The following RPS6KA2 variants were observed in gnomAD, a reference collection of about 807,000 sequenced individuals.
The protein encoded by RPS6KA2 is ribosomal protein S6 kinase A2, also known as ribosomal protein S6 kinase alpha-2.
Under a neutral mutation model 91.8 loss-of-function variants are expected in RPS6KA2, and 42 were observed. The observed-to-expected ratio is 0.46, with a 90% CI of 0.36 to 0.59. The LOEUF is 0.59. RPS6KA2 is among the 20% of genes least tolerant of loss of function. The pLI is 0.00. For missense variants in RPS6KA2, 798 were observed against 978.5 expected (o/e 0.82, Z 2.46); for synonymous variants, 414 against 393.6 (o/e 1.05, Z -0.61).
chr6:166,686,033 T>C (rs1358401353), intron 2 of RPS6KA2, among the ~76,000 whole-genome samples: 1 of 152,142 alleles, frequency 6.6e-6, no homozygotes, highest in African/African-American at 2.4e-5. Flanking sequence ...TTAGGGCTAA[T>C]GAGAACGAAT....
intron 2 of RPS6KA2, among the ~76,000 whole-genome samples, chr6:166,786,762 A>G (rs569719383): frequency 3.3e-5 from 5 of 152,222 alleles, no homozygotes; most frequent in Non-Finnish European, 7.4e-5. Context: ...AATTTTTAGT[A>G]ATTGTGTAAT....
At chr6:166,456,662 T>C (rs760029473) in intron 12 of RPS6KA2, among the ~76,000 whole-genome samples, 1 of 152,204 alleles carries the variant, frequency 6.6e-6, no homozygotes, top group Non-Finnish European at 1.5e-5. Flanking sequence ...AGCTTATCCA[T>C]TGCTTCAGAG....
At chr6:166,540,445 A>T (rs376899398) in intron 1 of RPS6KA2, among the ~76,000 whole-genome samples, 110 of 60,698 alleles carry the variant, frequency 1.8e-3, no homozygotes, top group African/African-American at 8.5e-3. Flanking sequence ...TTGTAAAAAC[A>T]GTGGTTTTTT....
chr6:166,538,798 G>T lies in RPS6KA2; in HGVS notation c.100-14C>A. 2 of 1,433,490 alleles carry T rather than the reference G, an allele frequency of 1.4e-6. No homozygotes were observed. Among genetic ancestry groups the T allele is most frequent in the Non-Finnish European group, 2.0e-6 (2 of 1,016,672 alleles). The allele number at this position is 1,433,490 out of a possible 1,614,324, so 88.8% of individuals were successfully genotyped here. ...GACGCCTTCTTCCTGCAAGAGAGCG[G>T]CACGGGTGAGAAACACACCGCGAGG... On this transcript the variant is annotated splice_polypyrimidine_tract_variant and intron_variant, in intron 1 of 20. Coordinates refer to ENST00000265678, the MANE Select transcript of RPS6KA2 (RefSeq NM_021135.6).
intron 1 of RPS6KA2, among the ~76,000 whole-genome samples, chr6:166,597,287 G>A (rs1020142955): frequency 2.0e-5 from 3 of 152,340 alleles, no homozygotes; most frequent in South Asian, 4.1e-4. Flanking sequence ...CACAGCCCCC[G>A]AGGACGAATG....
At chr6:166,414,342 A>G (rs748623175) in intron 19 of RPS6KA2, among the ~76,000 whole-genome samples, 16 of 152,340 alleles carry the variant, frequency 1.1e-4, no homozygotes, top group South Asian at 2.1e-4. Flanking sequence ...AGGACTACCC[A>G]TAAATATTTA....
At chr6:166,707,432 G>T (rs1789713264) in intron 2 of RPS6KA2, among the ~76,000 whole-genome samples, 1 of 152,248 alleles carries the variant, frequency 6.6e-6, no homozygotes, top group Non-Finnish European at 1.5e-5. Flanking sequence ...AAGGTAAATA[G>T]AAACAGTTTC....
chr6:166,417,354 T>C (rs917160334), intron 19 of RPS6KA2, among the ~76,000 whole-genome samples: 1 of 152,224 alleles, frequency 6.6e-6, no homozygotes, highest in African/African-American at 2.4e-5. Context: ...TTTTTCAGGA[T>C]GTGGTTAACA....
intron 1 of RPS6KA2, among the ~76,000 whole-genome samples, chr6:166,555,035 T>C (rs1246523481): frequency 6.6e-6 from 1 of 152,250 alleles, no homozygotes; most frequent in Non-Finnish European, 1.5e-5. Context: ...ATGATTTCTC[T>C]AGCAATTTGG....
At chr6:166,745,909 G>A (rs185611235) in intron 2 of RPS6KA2, among the ~76,000 whole-genome samples, 34 of 152,334 alleles carry the variant, frequency 2.2e-4, no homozygotes, top group Middle Eastern at 3.4e-3. Context: ...GAAAAGAGCT[G>A]TCAGGCCCAA....
intron 1 of RPS6KA2, among the ~76,000 whole-genome samples, chr6:166,564,527 T>C (rs375453872): frequency 1.3e-5 from 2 of 152,196 alleles, no homozygotes; most frequent in African/African-American, 4.8e-5. Flanking sequence ...TCATCTCCAA[T>C]GTTAAAGAGT....
intron 3 of RPS6KA2, among the ~76,000 whole-genome samples, chr6:166,530,941 C>T (rs1214883596): frequency 6.6e-6 from 1 of 152,282 alleles, no homozygotes; most frequent in Admixed American, 6.5e-5. Context: ...CAACAGCCTG[C>T]TCGCAGCCTG....
Position 166,423,130 on chromosome 6 carries a change from A to C in RPS6KA2, c.1743+126T>G. The C allele has an allele frequency of 1.1e-6, 1 of 934,538 alleles. No individual in the cohort carries two copies. Among genetic ancestry groups the C allele is most frequent in the Non-Finnish European group, 1.6e-6 (1 of 638,152 alleles). 57.9% of individuals were successfully genotyped at this position (934,538 alleles called of 1,614,324 possible). A position where few individuals can be genotyped will look rare whatever the true frequency, so the allele number is the denominator to read the frequency against. ...TGAAGGTTCTCGTTTCTGTTTCCCA[A>C]CACCACTGCTGACGCAGCTCAAGCC... On this transcript the variant is annotated intron_variant, in intron 17 of 20. Coordinates refer to ENST00000265678, the MANE Select transcript of RPS6KA2 (RefSeq NM_021135.6). This position sits in a 1 kb window ranked among gnomAD's most constrained non-coding sequence, Gnocchi z 4.8.
At chr6:166,502,734 C>T (rs894342445) in intron 6 of RPS6KA2, among the ~76,000 whole-genome samples, 5 of 152,164 alleles carry the variant, frequency 3.3e-5, no homozygotes, top group African/African-American at 7.2e-5. Flanking sequence ...TAAGGAGAGG[C>T]GAAAGGGGAC....
chr6:166,851,734 G>A lies in RPS6KA2; in HGVS notation c.123+6466C>T, dbSNP rs191910576. On this transcript the variant is annotated intron_variant, in intron 2 of 21. Transcript: ENST00000503859. ...AAAGCACTCTGGGAAATGTGCAAAG[G>A]CTGACTTTGTTACAGAAGCAGAAAA... Among the ~76,000 whole-genome samples the A allele has an allele frequency of 3.6e-3, 543 of 152,286 alleles. 5 individuals carry two copies. Among genetic ancestry groups the A allele is most frequent in the Middle Eastern group, 0.014 (4 of 294 alleles).
intron 2 of RPS6KA2, among the ~76,000 whole-genome samples, chr6:166,829,377 G>T (rs1438303591): frequency 4.6e-5 from 7 of 151,992 alleles, no homozygotes; most frequent in Non-Finnish European, 8.8e-5. Context: ...GGATCAGGAA[G>T]TCAGGAGATG....
chr6:166,425,922 G>A (rs1314000885), intron 16 of RPS6KA2, among the ~76,000 whole-genome samples: 1 of 152,042 alleles, frequency 6.6e-6, no homozygotes, highest in Non-Finnish European at 1.5e-5. Flanking sequence ...GGATACCCAG[G>A]AATTGAACTC....
Position 166,508,158 on chromosome 6 carries a change from C to G in RPS6KA2, c.459+45G>C, listed in dbSNP as rs1408870867. On this transcript the variant is annotated intron_variant, in intron 5 of 20. Coordinates refer to ENST00000265678, the MANE Select transcript of RPS6KA2 (RefSeq NM_021135.6). The surrounding 1 kb of genome is among the most constrained non-coding windows in gnomAD (Gnocchi z 4.3). ...ACCCCTCCTCCCCTCGAGTCCCAGA[C>G]AGAAGCTCCTGCCCGCCCTCCTGTG... 9 of 1,330,402 alleles carry G rather than the reference C, an allele frequency of 6.8e-6. No homozygotes were observed. Among genetic ancestry groups the G allele is most frequent in the Admixed American group, 5.2e-5 (3 of 57,794 alleles). The allele number at this position is 1,330,402 out of a possible 1,614,324, so 82.4% of individuals were successfully genotyped here.
Position 166,433,685 on chromosome 6 carries a change from A to G in RPS6KA2, c.1333-1195T>C, listed in dbSNP as rs952592272. On this transcript the variant is annotated intron_variant, in intron 14 of 20. Transcript: ENST00000265678. The surrounding 1 kb of genome is among the most constrained non-coding windows in gnomAD (Gnocchi z 4.4). ...ACCGTGCAGTCATTTTACTACTAGA[A>G]TATGAGGGTGACTTGCTTTTAACTT... Among the ~76,000 whole-genome samples, 1 of 152,230 alleles carries G rather than the reference A, an allele frequency of 6.6e-6. No homozygotes were observed.
Sources: allele counts gnomAD v4.1 joint callset (sites outside exome capture counted in the v4.1 genomes callset), GRCh38; gene constraint gnomAD v4.1.1; non-coding constraint Gnocchi (gnomAD v3.1); transcripts MANE v1.5; gene names NCBI Gene and HGNC (gene_info 2026-07-23, HGNC 2026-07-21).